ZDHHC14: variants seen among roughly 807,000 people sequenced by gnomAD.
The protein encoded by ZDHHC14 is palmitoyltransferase ZDHHC14.
Under a neutral mutation model 47.7 loss-of-function variants are expected in ZDHHC14, and 16 were observed. The ratio of observed to expected loss-of-function variants is 0.34; its 90% confidence interval spans 0.23 to 0.51. The LOEUF is 0.51. Ranked by LOEUF, ZDHHC14 falls within the 20% of genes least tolerant of loss-of-function variation. ZDHHC14 has a pLI of 0.97. For synonymous variants in ZDHHC14, 293 were observed against 278.9 expected (o/e 1.05, Z -0.50); for missense variants, 515 against 662.5 (o/e 0.78, Z 2.44).
intron 7 of ZDHHC14, among the ~76,000 whole-genome samples, chr6:157,650,238 C>A (rs770671303): frequency 6.6e-6 from 1 of 152,054 alleles, no homozygotes; most frequent in African/African-American, 2.4e-5. Flanking sequence ...AGAAGGAGTT[C>A]GGAGGAGGAA....
intron 4 of ZDHHC14, chr6:157,630,284 C>T (rs1238545780): frequency 1.3e-5 from 2 of 152,196 alleles, no homozygotes; most frequent in Non-Finnish European, 2.9e-5. Context: ...CCGGCCTAGA[C>T]ATTGTATTTT....
At chr6:157,387,671 T>C (rs1777342878) in intron 1 of ZDHHC14, among the ~76,000 whole-genome samples, 1 of 152,184 alleles carries the variant, frequency 6.6e-6, no homozygotes, top group African/African-American at 2.4e-5. Flanking sequence ...TTATGATCCA[T>C]TGACATGAAA....
At chr6:157,600,760 A>G (rs1784307384) in intron 3 of ZDHHC14, among the ~76,000 whole-genome samples, 1 of 152,198 alleles carries the variant, frequency 6.6e-6, no homozygotes, top group African/African-American at 2.4e-5. Context: ...AAGGTGTGGT[A>G]GGCAGAATTC....
At chr6:157,517,063 A>G (rs982582595) in intron 1 of ZDHHC14, among the ~76,000 whole-genome samples, 3 of 152,160 alleles carry the variant, frequency 2.0e-5, no homozygotes, top group African/African-American at 7.2e-5. Context: ...TGTACCCGGG[A>G]AGCAGACATC....
intron 4 of ZDHHC14, chr6:157,631,939 G>T (rs550787979): frequency 6.6e-6 from 1 of 152,226 alleles, no homozygotes; most frequent in African/African-American, 2.4e-5. Flanking sequence ...CACATGGGCC[G>T]TGGGCACAGA....
chr6:157,675,756 T>C lies in ZDHHC14; in HGVS notation c.*2634T>C, dbSNP rs1484365745. On this transcript the variant is annotated 3_prime_UTR_variant, in exon 9 of 9. Transcript: ENST00000359775. The stretch of plus-strand genomic sequence containing the variant: ...CATATATGTGACATGTACATAAATA[T>C]AAATACTTATGTTTATAAATGTTGA... 1 of 152,248 alleles carries C rather than the reference T, an allele frequency of 6.6e-6. No homozygotes were observed. The allele number at this position is 152,248 out of a possible 1,614,324, so 9.4% of individuals were successfully genotyped here. A position where few individuals can be genotyped will look rare whatever the true frequency, so the allele number is the denominator to read the frequency against.
intron 1 of ZDHHC14, among the ~76,000 whole-genome samples, chr6:157,508,515 G>A (rs552254357): frequency 6.6e-6 from 1 of 152,164 alleles, no homozygotes; most frequent in East Asian, 1.9e-4. Flanking sequence ...ACAGCCATGT[G>A]CCACCATGTC....
chr6:157,650,970 C>G (rs1479606271), intron 7 of ZDHHC14, among the ~76,000 whole-genome samples: 3 of 152,162 alleles, frequency 2.0e-5, no homozygotes, highest in Non-Finnish European at 4.4e-5. Context: ...CTCTGAGGAC[C>G]CCCCATTGCA....
chr6:157,506,410 G>T (rs752190703), intron 1 of ZDHHC14, among the ~76,000 whole-genome samples: 2 of 152,244 alleles, frequency 1.3e-5, no homozygotes, highest in African/African-American at 4.8e-5. Flanking sequence ...AGAGCTGGAT[G>T]TTGGAGAGAG....
intron 1 of ZDHHC14, among the ~76,000 whole-genome samples, chr6:157,535,588 C>T (rs1003603737): frequency 1.3e-5 from 2 of 152,154 alleles, no homozygotes; most frequent in African/African-American, 4.8e-5. Flanking sequence ...ACGTTAGTCC[C>T]TGGGCTCATT....
At chr6:157,602,905 C>A (rs1322564646) in intron 3 of ZDHHC14, among the ~76,000 whole-genome samples, 1 of 152,186 alleles carries the variant, frequency 6.6e-6, no homozygotes, top group Admixed American at 6.5e-5. Context: ...AGCAACAGGT[C>A]CTGTAACTAA....
intron 8 of ZDHHC14, among the ~76,000 whole-genome samples, chr6:157,669,230 G>A (rs1562539541): frequency 6.6e-6 from 1 of 152,124 alleles, no homozygotes; most frequent in Non-Finnish European, 1.5e-5. Context: ...GTGTGCAGGA[G>A]CTCTTTGCAG....
At chr6:157,598,525 G>A (rs1358478436) in intron 3 of ZDHHC14, among the ~76,000 whole-genome samples, 1 of 152,098 alleles carries the variant, frequency 6.6e-6, no homozygotes, top group Non-Finnish European at 1.5e-5. Flanking sequence ...GAGAACTCAA[G>A]GCAGACAGTA....
intron 2 of ZDHHC14, among the ~76,000 whole-genome samples, chr6:157,551,315 T>C (rs1405294562): frequency 6.6e-6 from 1 of 152,100 alleles, no homozygotes; most frequent in Non-Finnish European, 1.5e-5. Context: ...CCTGGACAAC[T>C]CCTTTGGTTT....
chr6:157,525,683 C>T (rs181440973), intron 1 of ZDHHC14, among the ~76,000 whole-genome samples: 99 of 152,240 alleles, frequency 6.5e-4, no homozygotes, highest in Admixed American at 1.6e-3. Context: ...ATGGAAGCAT[C>T]CAGCAGGCTC....
intron 2 of ZDHHC14, among the ~76,000 whole-genome samples, chr6:157,562,400 C>T (rs1238059192): frequency 2.6e-5 from 4 of 152,184 alleles, no homozygotes; most frequent in East Asian, 1.9e-4. Context: ...GCTCTGTGAG[C>T]GTGGCGAGGG....
In ZDHHC14 at chr6:157,647,319, AAT is replaced by A; in HGVS notation, c.919_920del (p.Ile307LeufsTer48). The A allele has an allele frequency of 6.2e-7, 1 of 1,614,204 alleles. No individual in the cohort carries two copies. The highest frequency in any genetic ancestry group is 8.5e-7 in the Non-Finnish European group (1 of 1,180,022). On this transcript the variant is annotated frameshift_variant, in exon 7 of 9. Coordinates refer to ENST00000359775, the MANE Select transcript of ZDHHC14 (RefSeq NM_024630.3). LOFTEE classifies it high-confidence loss of function. Reference sequence around the variant, plus strand: ...AAATTACAATCCCTACAGCTACGGAAATATCTTTACCAACTGCTGTGTTGCCC... The same window carrying A: ...AAATTACAATCCCTACAGCTACGGAAATCTTTACCAACTGCTGTGTTGCCC... ...KENYNPYSYG[N>X]IFTNCCVALC...
chr6:157,567,792 C>T (rs573117240), intron 2 of ZDHHC14, among the ~76,000 whole-genome samples: 24 of 137,346 alleles, frequency 1.7e-4, no homozygotes, highest in South Asian at 1.4e-3. Flanking sequence ...GCGTGGGTGA[C>T]AGAGTGAGAC....
intron 1 of ZDHHC14, among the ~76,000 whole-genome samples, chr6:157,423,698 G>A (rs1355162906): frequency 1.3e-5 from 2 of 152,130 alleles, no homozygotes; most frequent in African/African-American, 4.8e-5. Flanking sequence ...TCTCTGTTTT[G>A]TAAGCAAGGA....
Sources: allele counts gnomAD v4.1 joint callset (sites outside exome capture counted in the v4.1 genomes callset), GRCh38; gene constraint gnomAD v4.1.1; transcripts MANE v1.5; gene names NCBI Gene and HGNC (gene_info 2026-07-23, HGNC 2026-07-21).